Variants in RGL1 observed in about 807,000 individuals in gnomAD.
RGL1 encodes the protein ral guanine nucleotide dissociation stimulator like 1, also known as ral guanine nucleotide dissociation stimulator-like 1.
Under a neutral mutation model 95.2 loss-of-function variants are expected in RGL1, and 24 were observed. That is an observed-to-expected ratio of 0.25 (90% confidence interval 0.18 to 0.35). The LOEUF is 0.35. Among genes scored for constraint, RGL1 ranks in the 10% least tolerant of loss-of-function variants. RGL1 has a pLI of 1.00. For missense variants in RGL1, 715 were observed against 936.3 expected (o/e 0.76, Z 3.08); for synonymous variants, 329 against 344.9 (o/e 0.95, Z 0.51).
At chr1:183,707,217 G>A (rs1010318805) in intron 1 of RGL1, among the ~76,000 whole-genome samples, 8 of 152,136 alleles carry the variant, frequency 5.3e-5, no homozygotes, top group South Asian at 2.1e-4. Context: ...ATCAGCATGC[G>A]CCTGAGCTAG....
At chr1:183,848,862 G>A (rs1664622444) in intron 3 of RGL1, among the ~76,000 whole-genome samples, 1 of 151,870 alleles carries the variant, frequency 6.6e-6, no homozygotes, top group African/African-American at 2.4e-5. Context: ...TTTTCTCCAA[G>A]CTCCAATCCC....
intron 1 of RGL1, among the ~76,000 whole-genome samples, chr1:183,638,117 T>G (rs908785677): frequency 6.6e-6 from 1 of 152,190 alleles, no homozygotes; most frequent in Non-Finnish European, 1.5e-5. Flanking sequence ...TGTATTGCCT[T>G]ATTTAGGAAA....
intron 4 of RGL1, 78 bp from the exon 5 acceptor site, chr1:183,880,538 G>A (rs117606221): frequency 1.4e-6 from 2 of 1,387,024 alleles, no homozygotes; most frequent in East Asian, 4.7e-5. Flanking sequence ...TGCCCCTGGG[G>A]TCCACCCTGG....
At chr1:183,666,620 C>T (rs986995317) in intron 1 of RGL1, among the ~76,000 whole-genome samples, 6 of 152,128 alleles carry the variant, frequency 3.9e-5, no homozygotes, top group Admixed American at 6.5e-5. Flanking sequence ...TTACAAAGTG[C>T]TGGGATTACA....
intron 2 of RGL1, among the ~76,000 whole-genome samples, chr1:183,781,549 C>G (rs1409558486): frequency 1.3e-5 from 2 of 152,174 alleles, no homozygotes; most frequent in Non-Finnish European, 2.9e-5. Context: ...CCATCTGATC[C>G]ATTTACTGAA....
At chr1:183,690,063 A>G (rs539755669) in intron 1 of RGL1, among the ~76,000 whole-genome samples, 2 of 152,326 alleles carry the variant, frequency 1.3e-5, no homozygotes, top group South Asian at 4.1e-4. Flanking sequence ...GAAAGGCTTC[A>G]TGAGGAGCCA....
At chr1:183,923,996 TTC>T (rs1465960982) in intron 17 of RGL1, among the ~76,000 whole-genome samples, 2 of 152,204 alleles carry the variant, frequency 1.3e-5, no homozygotes, top group African/African-American at 4.8e-5. Flanking sequence ...CCTTTTTTAA[TTC>T]TGTTTGTTTT....
chr1:183,672,964 C>G (rs1451127373), intron 1 of RGL1, among the ~76,000 whole-genome samples: 2 of 152,158 alleles, frequency 1.3e-5, no homozygotes, highest in African/African-American at 4.8e-5. Flanking sequence ...TAAACATGTG[C>G]CATGGTAGTT....
At chr1:183,843,426 G>C (rs548039730) in intron 2 of RGL1, among the ~76,000 whole-genome samples, 16 of 152,292 alleles carry the variant, frequency 1.1e-4, no homozygotes, top group Admixed American at 5.2e-4. Context: ...CTGAAAGAGA[G>C]GGGCTGGGTT....
intron 14 of RGL1, among the ~76,000 whole-genome samples, chr1:183,909,861 G>T (rs12081840): frequency 6.6e-6 from 1 of 151,950 alleles, no homozygotes; most frequent in African/African-American, 2.4e-5. Context: ...ATCTGTTAAC[G>T]GTAAACCTTC....
At chr1:183,725,599 T>C (rs79494163) in intron 1 of RGL1, among the ~76,000 whole-genome samples, 2 of 152,296 alleles carry the variant, frequency 1.3e-5, no homozygotes, top group East Asian at 3.8e-4. Flanking sequence ...TATTTCACAA[T>C]GATGGAGTCA....
chr1:183,684,372 G>T (rs1653424288), intron 1 of RGL1, among the ~76,000 whole-genome samples: 1 of 152,200 alleles, frequency 6.6e-6, no homozygotes, highest in East Asian at 1.9e-4. Flanking sequence ...CCTTTTTGTT[G>T]ATGTTTATGC....
intron 1 of RGL1, among the ~76,000 whole-genome samples, chr1:183,677,605 G>C (rs1354900457): frequency 2.6e-5 from 4 of 152,160 alleles, no homozygotes; most frequent in Non-Finnish European, 5.9e-5. Context: ...GTAAGCTGAG[G>C]TTACCCAATG....
intron 2 of RGL1, among the ~76,000 whole-genome samples, chr1:183,771,246 C>T (rs943690205): frequency 6.6e-6 from 1 of 151,046 alleles, no homozygotes; most frequent in East Asian, 1.9e-4. Flanking sequence ...ATGAACATTT[C>T]TTTACATTTT....
At chr1:183,830,769 A>G (rs756054754) in intron 2 of RGL1, among the ~76,000 whole-genome samples, 2 of 152,228 alleles carry the variant, frequency 1.3e-5, no homozygotes, top group Non-Finnish European at 2.9e-5. Flanking sequence ...ATCTCAGAAC[A>G]GTCATTTTAA....
At chr1:183,796,442 G>A (rs1202890360) in intron 2 of RGL1, among the ~76,000 whole-genome samples, 11 of 152,236 alleles carry the variant, frequency 7.2e-5, no homozygotes, top group East Asian at 1.9e-4. Flanking sequence ...GATTACAGGC[G>A]TGAGCCTCTG....
chr1:183,916,379 T>A, intron 15 of RGL1, 68 bp from the exon 16 acceptor site: 3 of 1,578,228 alleles, frequency 1.9e-6, no homozygotes, highest in Non-Finnish European at 2.6e-6. Context: ...TACCTCTGCT[T>A]TGAAAATTGC....
rs1472874842 is a variant in RGL1, at chr1:183,771,728, AC to A, written c.132+29444del. Among the ~76,000 whole-genome samples, 9 of 152,084 alleles carry A rather than the reference AC, an allele frequency of 5.9e-5. No individual in the cohort carries two copies. The East Asian group carries it at 1.7e-3, about 29-fold the overall frequency. On this transcript the variant is annotated intron_variant, in intron 2 of 18. Transcript: ENST00000304685. ...GGACATGGTCCCTGGCTAGGGCTCC[AC>A]CCCCACGGACCTAGGTGAGGACAGG...
intron 2 of RGL1, among the ~76,000 whole-genome samples, chr1:183,787,046 A>T (rs1391503397): frequency 6.6e-6 from 1 of 152,224 alleles, no homozygotes; most frequent in African/African-American, 2.4e-5. Flanking sequence ...TCTCAAACAA[A>T]CCATCCTAGC....
Sources: allele counts gnomAD v4.1 joint callset (sites outside exome capture counted in the v4.1 genomes callset), GRCh38; gene constraint gnomAD v4.1.1; transcripts MANE v1.5; gene names NCBI Gene and HGNC (gene_info 2026-07-23, HGNC 2026-07-21).